ZNF324B: variants seen among roughly 807,000 people sequenced by gnomAD.
The protein encoded by ZNF324B is zinc finger protein 324B.
In ZNF324B, 7 loss-of-function variants were observed where a neutral mutation model predicts 10.6. The ratio of observed to expected loss-of-function variants is 0.66; its 90% CI spans 0.38 to 1.24. The LOEUF is 1.24. Ranked by LOEUF, ZNF324B falls within the 50% of genes most tolerant of loss-of-function variation. ZNF324B has a pLI of 0.02. For missense variants in ZNF324B, 640 were observed against 764.7 expected (o/e 0.84, Z 1.92); for synonymous variants, 316 against 321.0 (o/e 0.98, Z 0.17).
At chr19:58,451,620 C>T (rs1408473193), upstream of ZNF324B, 1 of 517,558 alleles carries the variant, frequency 1.9e-6, no homozygotes. Flanking sequence ...GGCGTTGGGA[C>T]TGTCACTTGG....
chr19:58,453,959 GT>G, intron 2 of ZNF324B, 137 bp downstream of exon 2: 1 of 1,341,848 alleles, frequency 7.5e-7, no homozygotes, highest in Non-Finnish European at 1.0e-6. Context: ...TAGACACAAA[GT>G]TTGGTTGGGT....
At chr19:58,440,648 CT>C in the ZNF324B span, 7 of 152,288 alleles carry the variant, frequency 4.6e-5, no homozygotes, top group African/African-American at 1.7e-4. Context: ...AATATCGCCC[CT>C]GAGCCCAGTG....
the ZNF324B span, chr19:58,435,201 A>C: frequency 1.2e-6 from 2 of 1,606,142 alleles, no homozygotes; most frequent in South Asian, 1.1e-5. Flanking sequence ...CCTCTACTCC[A>C]TGCCAAGAAC....
the ZNF324B span, among the ~76,000 whole-genome samples, chr19:58,438,597 C>T: frequency 1.3e-5 from 2 of 151,556 alleles, no homozygotes; most frequent in Non-Finnish European, 1.5e-5. Flanking sequence ...CCTCAGCCTC[C>T]CGAGTAGCTG....
the ZNF324B span, chr19:58,437,351 A>T: frequency 9.6e-7 from 1 of 1,041,694 alleles, no homozygotes; most frequent in Non-Finnish European, 1.3e-6. Flanking sequence ...ACCCATCCAC[A>T]GCTTATCTTC....
At position 58,456,298 on chromosome 19, in the gene ZNF324B, C is replaced by A. The variant is rs769772632; in HGVS notation, c.1354C>A (p.Pro452Thr). The A allele has an allele frequency of 6.2e-7, 1 of 1,612,870 alleles. No homozygotes were observed. The highest frequency in any genetic ancestry group is 8.5e-7 in the Non-Finnish European group (1 of 1,179,864). ...CCAGCTCCTGCACACGGGCGAGCGG[C>A]CCTTCCGCTGCGTGGACTGTGGCAA... The part of the protein sequence containing the change: ...QHQLLHTGER[P>T]FRCVDCGKGF... The change falls in exon 4 of 4, where the codon CCC (proline) becomes ACC (threonine). Residue 452 changes from proline (P) to threonine (T), a missense_variant. Pro to Thr is a conservative substitution (Grantham distance 38, BLOSUM62 -1). This residue lies in a region of ZNF324B where 238 missense variants were observed against 258.0 expected (regional missense o/e 0.92). Coordinates refer to ENST00000336614, the MANE Select transcript of ZNF324B (RefSeq NM_207395.3). The surrounding 1 kb of genome is among the most constrained non-coding windows in gnomAD (Gnocchi z 4.7).
At position 58,456,467 on chromosome 19, in the gene ZNF324B, C is replaced by A; in HGVS notation, c.1523C>A (p.Thr508Asn). The stretch of plus-strand genomic sequence containing the variant: ...CAGAGGATCCACACCACAGAGAAGA[C>A]CAATGCCGCAGCACCAGACTGCACC... ...HHQRIHTTEK[T>N]NAAAPDCTPG... The change falls in exon 4 of 4, where the codon ACC (threonine) becomes AAC (asparagine). Residue 508 changes from threonine to asparagine, a missense_variant. Coordinates refer to ENST00000336614, the MANE Select transcript of ZNF324B (RefSeq NM_207395.3). The surrounding 1 kb of genome is among the most constrained non-coding windows in gnomAD (Gnocchi z 4.7). 6.2e-7 allele frequency: 1 copy of A among 1,614,134 alleles called. No individual in the cohort carries two copies. The highest frequency in any genetic ancestry group is 8.5e-7 in the Non-Finnish European group (1 of 1,180,038).
the ZNF324B span, chr19:58,437,915 AT>A: frequency 2.0e-6 from 1 of 492,046 alleles, no homozygotes; most frequent in Non-Finnish European, 2.6e-6. Flanking sequence ...TTGCCTTTGT[AT>A]GTGTTGTCTC....
At chr19:58,437,119 G>C in the ZNF324B span, 4 of 1,614,134 alleles carry the variant, frequency 2.5e-6, no homozygotes, top group Middle Eastern at 3.3e-4. Context: ...GCATCAAGGA[G>C]CTCCCACTCC....
chr19:58,425,051 T>G, the ZNF324B span, among the ~76,000 whole-genome samples: 1 of 152,044 alleles, frequency 6.6e-6, no homozygotes, highest in Non-Finnish European at 1.5e-5. Context: ...GTCAGGAGTT[T>G]GAAACCAGCA....
chr19:58,434,576 G>A, the ZNF324B span: 3 of 1,614,110 alleles, frequency 1.9e-6, no homozygotes, highest in Non-Finnish European at 1.7e-6. Flanking sequence ...CACACATGGG[G>A]TATTTCCCCA....
the ZNF324B span, chr19:58,445,961 C>G: frequency 1.3e-5 from 2 of 157,566 alleles, no homozygotes; most frequent in African/African-American, 2.4e-5. Context: ...ATGATGAAAC[C>G]CTGTCTCTAC....
chr19:58,418,802 A>C, the ZNF324B span: 1 of 151,670 alleles, frequency 6.6e-6, no homozygotes, highest in African/African-American at 2.4e-5. Context: ...TAGAGACAGG[A>C]TCTTGCTACA....
At chr19:58,436,940 G>A in the ZNF324B span, 22 of 1,501,924 alleles carry the variant, frequency 1.5e-5, no homozygotes, top group Admixed American at 3.3e-5. Context: ...CAGGAAACCC[G>A]AGAAGGAAGC....
the ZNF324B span, chr19:58,442,671 C>T: frequency 6.6e-6 from 1 of 151,882 alleles, no homozygotes; most frequent in Non-Finnish European, 1.5e-5. Flanking sequence ...TTCGTGGTCT[C>T]GCTGACCTCA....
the ZNF324B span, chr19:58,442,716 C>T: frequency 5.9e-5 from 9 of 152,176 alleles, no homozygotes; most frequent in South Asian, 1.9e-3. Context: ...ATGAGTGTTA[C>T]AGCTCGTAAA....
the ZNF324B span, chr19:58,437,666 AC>A: frequency 6.2e-6 from 6 of 970,002 alleles, no homozygotes; most frequent in Non-Finnish European, 7.4e-6. Context: ...TATATTTCCA[AC>A]CCCTCCCTGT....
Position 58,454,137 on chromosome 19 carries a change from G to A in ZNF324B, c.122-91G>A, listed in dbSNP as rs1170343100. 5 of 854,882 alleles carry A rather than the reference G, an allele frequency of 5.8e-6. No individual in the cohort carries two copies. In the Admixed American group the frequency reaches 1.0e-4, roughly 18 times the overall value. The allele number at this position is 854,882 out of a possible 1,614,324, so 53.0% of individuals were successfully genotyped here. On this transcript the variant is annotated intron_variant, in intron 2 of 3. Coordinates refer to ENST00000336614, the MANE Select transcript of ZNF324B (RefSeq NM_207395.3). ...GATTCTCCCAGTTGCACAGATTACT[G>A]TCTATTTCCATGAAGCCCTGACTCC...
In ZNF324B at chr19:58,454,286, G is replaced by A. The variant is rs2052891145; in HGVS notation, c.180G>A (p.Trp60Ter). 6.2e-7 allele frequency: 1 copy of A among 1,613,960 alleles called. No individual in the cohort carries two copies. The highest frequency in any genetic ancestry group is 1.7e-5 in the Admixed American group (1 of 59,990). ...AACTTGAGCGTGGCGAGGAGCCCTG[G>A]GTTCCCAGTGGAAAGGACATGACCC... is the stretch of plus-strand genomic sequence containing the variant. Reference protein sequence around the residue: ...VIQLERGEEPWVPSGKDMTLA... With the variant: ...VIQLERGEEP Residue 60 changes from tryptophan to a stop codon, truncating the protein, a stop_gained, in exon 3 of 4, where the codon TGG becomes TGA. Transcript: ENST00000336614. LOFTEE classifies it high-confidence loss of function.
Sources: allele counts gnomAD v4.1 joint callset (sites outside exome capture counted in the v4.1 genomes callset), GRCh38; gene constraint gnomAD v4.1.1; regional missense constraint gnomAD v4.1.1; non-coding constraint Gnocchi (gnomAD v3.1); transcripts MANE v1.5; gene names NCBI Gene and HGNC (gene_info 2026-07-23, HGNC 2026-07-21).